The following LRMDA variants were observed in gnomAD, a reference collection of about 807,000 sequenced individuals.
The protein encoded by LRMDA is leucine rich melanocyte differentiation associated, also known as leucine-rich melanocyte differentiation-associated protein.
In LRMDA, 18 loss-of-function variants were observed where a neutral mutation model predicts 29.8. The ratio of observed to expected loss-of-function variants is 0.60; its 90% confidence interval spans 0.42 to 0.90. The LOEUF (loss-of-function observed/expected upper bound fraction) is 0.90, where lower values mean the gene tolerates loss of function less well. Ranked by LOEUF, LRMDA falls within the 40% of genes least tolerant of loss-of-function variation. The pLI, the probability that LRMDA is intolerant of heterozygous loss-of-function variation, is 0.00. For synonymous variants in LRMDA, 125 were observed against 109.4 expected, an observed-to-expected ratio of 1.14 and a Z score of -0.89; for missense variants, 273 against 273.9, an observed-to-expected ratio of 1.00 and a Z score of 0.02.
At chr10:75,716,079 G>A (rs1285996444) in intron 2 of LRMDA, among the ~76,000 whole-genome samples, 1 of 152,172 alleles carries the variant, frequency 6.6e-6, no homozygotes. Context: ...CACTGTTGGG[G>A]CTAAGCACCT....
At chr10:76,071,189 C>G (rs1848870889) in intron 5 of LRMDA, among the ~76,000 whole-genome samples, 2 of 152,082 alleles carry the variant, frequency 1.3e-5, no homozygotes, top group South Asian at 4.2e-4. Flanking sequence ...CCCTCTGCCC[C>G]CAGAGTGAAA....
At chr10:75,948,233 G>C (rs1846511084) in intron 2 of LRMDA, among the ~76,000 whole-genome samples, 1 of 152,086 alleles carries the variant, frequency 6.6e-6, no homozygotes, top group African/African-American at 2.4e-5. Flanking sequence ...TCCTTTGAGG[G>C]GAGAATTCTC....
chr10:75,705,321 C>T (rs1842353648), intron 2 of LRMDA, among the ~76,000 whole-genome samples: 1 of 152,088 alleles, frequency 6.6e-6, no homozygotes, highest in African/African-American at 2.4e-5. Flanking sequence ...GGGAGGGAGA[C>T]CCGAGGATGG....
chr10:76,484,033 G>A (rs1191606302), intron 6 of LRMDA, among the ~76,000 whole-genome samples: 2 of 151,786 alleles, frequency 1.3e-5, no homozygotes, highest in Non-Finnish European at 2.9e-5. Flanking sequence ...TACTCTTTCA[G>A]CTGCTGTTGT....
chr10:75,893,522 A>G (rs1351724080), intron 2 of LRMDA, among the ~76,000 whole-genome samples: 1 of 152,224 alleles, frequency 6.6e-6, no homozygotes, highest in East Asian at 1.9e-4. Flanking sequence ...GAAGTGGCAG[A>G]GCTTCCAGGA....
At chr10:76,240,024 C>T (rs531420604) in intron 5 of LRMDA, among the ~76,000 whole-genome samples, 6 of 151,568 alleles carry the variant, frequency 4.0e-5, no homozygotes, top group East Asian at 1.9e-4. Context: ...TCAATATAGC[C>T]GGGAAATTTT....
At chr10:76,101,876 C>T (rs1292710578) in intron 5 of LRMDA, among the ~76,000 whole-genome samples, 1 of 152,156 alleles carries the variant, frequency 6.6e-6, no homozygotes, top group Non-Finnish European at 1.5e-5. Context: ...AAGTCAAGCT[C>T]GTAACCCACA....
chr10:75,559,426 A>C (rs1398569754), intron 2 of LRMDA, among the ~76,000 whole-genome samples: 1 of 151,536 alleles, frequency 6.6e-6, no homozygotes, highest in African/African-American at 2.4e-5. Flanking sequence ...TAGATTCTGG[A>C]TATTAGCCCT....
At chr10:75,568,799 A>G (rs935421117) in intron 2 of LRMDA, among the ~76,000 whole-genome samples, 1 of 152,216 alleles carries the variant, frequency 6.6e-6, no homozygotes, top group African/African-American at 2.4e-5. Context: ...GTTCCTTTCA[A>G]TTGGCCTGGA....
intron 2 of LRMDA, among the ~76,000 whole-genome samples, chr10:75,789,086 C>A (rs1374194366): frequency 1.1e-4 from 17 of 152,204 alleles, no homozygotes; most frequent in Non-Finnish European, 4.4e-5. Flanking sequence ...TGGTGATGAG[C>A]ATGGATTTTG....
chr10:76,390,816 A>G (rs1484412080), intron 6 of LRMDA, among the ~76,000 whole-genome samples: 1 of 152,216 alleles, frequency 6.6e-6, no homozygotes, highest in East Asian at 1.9e-4. Context: ...TTACTCCTGG[A>G]TAGCAGTACC....
rs1443806083 is a variant in LRMDA at position 76,557,581 on chromosome 10, G to A, written c.*293G>A. The A allele has an allele frequency of 2.2e-6, 1 of 450,564 alleles. No homozygotes were observed. Among genetic ancestry groups the A allele is most frequent in the Non-Finnish European group, 4.0e-6 (1 of 249,062 alleles). 27.9% of individuals were successfully genotyped at this position (450,564 alleles called of 1,614,324 possible). A position where few individuals can be genotyped will look rare whatever the true frequency, so the allele number is the denominator to read the frequency against. ...ACAGGGCTGACAGCATGAACACCAT[G>A]ATAGATTGCCTGGTCCTGCCACTGC... is the stretch of plus-strand genomic sequence containing the variant. On this transcript the variant is annotated 3_prime_UTR_variant, in exon 7 of 7. Transcript: ENST00000611255.
intron 2 of LRMDA, among the ~76,000 whole-genome samples, chr10:75,529,389 G>A (rs1845450130): frequency 6.6e-6 from 1 of 152,230 alleles, no homozygotes; most frequent in Non-Finnish European, 1.5e-5. Context: ...ATTGAGGGAA[G>A]TGTGAAGATA....
chr10:76,126,238 C>T (rs184634149), intron 5 of LRMDA, among the ~76,000 whole-genome samples: 384 of 152,298 alleles, frequency 2.5e-3, no homozygotes, highest in Non-Finnish European at 3.2e-3. Context: ...TGCCTCTGAA[C>T]CTAGGATCTG....
intron 2 of LRMDA, among the ~76,000 whole-genome samples, chr10:75,475,279 C>T (rs891723509): frequency 1.3e-5 from 2 of 152,148 alleles, no homozygotes; most frequent in Non-Finnish European, 2.9e-5. Context: ...CCTGTGAGGC[C>T]TCTTGGGAGG....
intron 2 of LRMDA, among the ~76,000 whole-genome samples, chr10:75,514,150 G>A (rs561070281): frequency 3.5e-5 from 5 of 144,548 alleles, no homozygotes; most frequent in Admixed American, 2.9e-4. Context: ...TTCAAAGGCA[G>A]TCCTCCTTTA....
intron 6 of LRMDA, among the ~76,000 whole-genome samples, chr10:76,336,939 C>T (rs1840976466): frequency 6.6e-6 from 1 of 152,050 alleles, no homozygotes; most frequent in South Asian, 2.1e-4. Flanking sequence ...TCTAATTTCT[C>T]CCCACCCCCC....
intron 6 of LRMDA, among the ~76,000 whole-genome samples, chr10:76,358,183 G>C (rs539650435): frequency 6.6e-6 from 1 of 152,188 alleles, no homozygotes; most frequent in Non-Finnish European, 1.5e-5. Context: ...TGCAATACTT[G>C]GTGGTAGTAT....
intron 2 of LRMDA, among the ~76,000 whole-genome samples, chr10:75,815,416 G>C (rs1844041878): frequency 6.6e-6 from 1 of 152,190 alleles, no homozygotes; most frequent in Non-Finnish European, 1.5e-5. Flanking sequence ...AATATTTCCA[G>C]TTCCCCTCTC....
Sources: gnomAD v4.1 joint callset for allele counts (sites outside exome capture counted in the v4.1 genomes callset) on GRCh38, gnomAD v4.1.1 for gene constraint, MANE v1.5 for transcripts, NCBI Gene and HGNC (gene_info 2026-07-23, HGNC 2026-07-21) for gene names.